The following CAB39 variants were observed in gnomAD, a reference collection of about 807,000 sequenced individuals.
The protein encoded by CAB39 is calcium-binding protein 39.
A neutral mutation model predicts 40.0 loss-of-function variants in CAB39; 8 were observed. The observed-to-expected ratio is 0.20, with a 90% confidence interval of 0.12 to 0.36. CAB39 has a LOEUF of 0.36. Ranked by LOEUF, CAB39 falls within the 10% of genes least tolerant of loss-of-function variation. The pLI is 1.00. For synonymous variants in CAB39, 156 were observed against 141.6 expected, an observed-to-expected ratio of 1.10 and a Z score of -0.72; for missense variants, 270 against 401.1, an observed-to-expected ratio of 0.67 and a Z score of 2.79.
intron 1 of CAB39, among the ~76,000 whole-genome samples, chr2:230,746,951 C>T (rs1694987467): frequency 6.6e-6 from 1 of 152,124 alleles, no homozygotes; most frequent in Non-Finnish European, 1.5e-5. Flanking sequence ...GGGAGTGATA[C>T]ATACATACAT....
At chr2:230,773,314 A>ATATATATATATGTG (rs371297550) in intron 2 of CAB39, among the ~76,000 whole-genome samples, 4 of 132,632 alleles carry the variant, frequency 3.0e-5, no homozygotes, top group African/African-American at 1.2e-4. Context: ...ATATATATAT[A>ATATATATATATGTG]TGTGTGTGTG....
intron 2 of CAB39, among the ~76,000 whole-genome samples, chr2:230,780,156 C>T (rs2124943072): frequency 6.6e-6 from 1 of 152,216 alleles, no homozygotes; most frequent in East Asian, 1.9e-4. Context: ...TTTGGGAGCC[C>T]TTTCTCCAGT....
chr2:230,728,055 A>G (rs1027469413), intron 1 of CAB39, among the ~76,000 whole-genome samples: 14 of 152,022 alleles, frequency 9.2e-5, no homozygotes, highest in African/African-American at 3.4e-4. Flanking sequence ...CCTGGTCAAC[A>G]TGGTGAAACC....
chr2:230,747,017 C>G (rs1163221663), intron 1 of CAB39, among the ~76,000 whole-genome samples: 1 of 152,140 alleles, frequency 6.6e-6, no homozygotes, highest in Non-Finnish European at 1.5e-5. Context: ...GAGGGTCTTA[C>G]ACTTTTACTG....
At chr2:230,739,332 T>C (rs1434780160) in intron 1 of CAB39, among the ~76,000 whole-genome samples, 4 of 152,264 alleles carry the variant, frequency 2.6e-5, no homozygotes, top group Non-Finnish European at 5.9e-5. Context: ...AAAGATATGA[T>C]AATTTAACTC....
rs899083825 is a variant in CAB39, at chr2:230,818,931, A to T, written c.*227A>T. The T allele has an allele frequency of 2.2e-6, 1 of 445,456 alleles. No homozygotes were observed. The highest frequency in any genetic ancestry group is 2.0e-5 in the African/African-American group (1 of 49,940). 27.6% of individuals were successfully genotyped at this position (445,456 alleles called of 1,614,324 possible). On this transcript the variant is annotated 3_prime_UTR_variant, in exon 9 of 9. Transcript: ENST00000258418. ...CTCTTGATCTTTGTGTCATTTCAGAATTCAAAGACTGTGCTACGGGAGTTC... is the reference window on the plus strand; with the variant it reads ...CTCTTGATCTTTGTGTCATTTCAGATTTCAAAGACTGTGCTACGGGAGTTC...
At chr2:230,785,992 G>C (rs534783092) in intron 2 of CAB39, among the ~76,000 whole-genome samples, 1 of 150,700 alleles carries the variant, frequency 6.6e-6, no homozygotes, top group Non-Finnish European at 1.5e-5. Flanking sequence ...GTGAAACCCC[G>C]TCTCTACTAA....
rs1696482876 is a variant in CAB39, at chr2:230,820,166, G to T, written c.*1462G>T. Reference sequence around the variant, plus strand: ...TATCTGTTCATTTTAGTGATATGAAGATCACAACTAACAACTGACAAATCA... The same window carrying T: ...TATCTGTTCATTTTAGTGATATGAATATCACAACTAACAACTGACAAATCA... On this transcript the variant is annotated 3_prime_UTR_variant, in exon 9 of 9. Transcript: ENST00000258418. 1 of 152,568 alleles carries T rather than the reference G, an allele frequency of 6.6e-6. No individual in the cohort carries two copies. Among genetic ancestry groups the T allele is most frequent in the African/African-American group, 2.4e-5 (1 of 41,430 alleles). The allele number at this position is 152,568 out of a possible 1,614,324, so 9.5% of individuals were successfully genotyped here.
rs1396401505 is a variant in CAB39 at position 230,820,603 on chromosome 2, C to G, written c.*1899C>G. On this transcript the variant is annotated 3_prime_UTR_variant, in exon 9 of 9. Coordinates refer to ENST00000258418, the MANE Select transcript of CAB39 (RefSeq NM_016289.4). The stretch of plus-strand genomic sequence containing the variant: ...CATGGATTACACCAAGTGGAAGAAA[C>G]GTCTTCTTGCCAAGCTCATTCTTAG... 1.3e-5 allele frequency: 2 copies of G among 152,502 alleles called. No individual in the cohort carries two copies. The allele number at this position is 152,502 out of a possible 1,614,324, so 9.4% of individuals were successfully genotyped here. A position where few individuals can be genotyped will look rare whatever the true frequency, so the allele number is the denominator to read the frequency against.
intron 1 of CAB39, among the ~76,000 whole-genome samples, chr2:230,757,014 A>G (rs77711729): frequency 0.033 from 5,086 of 152,214 alleles, 275 homozygotes; most frequent in African/African-American, 0.12. Context: ...TTAAAACTAA[A>G]TCATGAATAA....
At chr2:230,775,210 G>A (rs532337014) in intron 2 of CAB39, among the ~76,000 whole-genome samples, 49 of 151,166 alleles carry the variant, frequency 3.2e-4, no homozygotes, top group African/African-American at 1.1e-3. Context: ...CCAAATCTGA[G>A]CTCTTTAAGG....
intron 2 of CAB39, among the ~76,000 whole-genome samples, chr2:230,764,576 A>G (rs1017867979): frequency 2.0e-5 from 3 of 152,248 alleles, no homozygotes; most frequent in African/African-American, 7.2e-5. Flanking sequence ...TAACATTTTT[A>G]AATAACACCA....
intron 1 of CAB39, among the ~76,000 whole-genome samples, chr2:230,737,239 A>C (rs574959889): frequency 1.8e-4 from 28 of 152,196 alleles, no homozygotes; most frequent in African/African-American, 6.0e-4. Context: ...GAGAAGATAG[A>C]CCCTCACCTG....
intron 1 of CAB39, among the ~76,000 whole-genome samples, chr2:230,753,449 G>A (rs1242534078): frequency 6.6e-6 from 1 of 152,156 alleles, no homozygotes; most frequent in Non-Finnish European, 1.5e-5. Flanking sequence ...GAATCCTGCT[G>A]AGGTTTATTA....
At chr2:230,801,278 C>T (rs960457652) in intron 5 of CAB39, among the ~76,000 whole-genome samples, 1 of 152,172 alleles carries the variant, frequency 6.6e-6, no homozygotes, top group Non-Finnish European at 1.5e-5. Context: ...CTTCCTACTC[C>T]TCCCTGAAAG....
At chr2:230,794,290 A>G (rs530598318) in intron 4 of CAB39, among the ~76,000 whole-genome samples, 15 of 152,186 alleles carry the variant, frequency 9.9e-5, no homozygotes, top group Admixed American at 4.6e-4. Context: ...TTCTATTTCT[A>G]ACCATCTGTG....
At chr2:230,778,152 G>A (rs1695626485) in intron 2 of CAB39, among the ~76,000 whole-genome samples, 1 of 152,166 alleles carries the variant, frequency 6.6e-6, no homozygotes, top group South Asian at 2.1e-4. Context: ...CTTTAAGTGT[G>A]CTTTCTATAT....
At position 230,735,069 on chromosome 2, in the gene CAB39, A is replaced by G. The variant is rs192326518; in HGVS notation, c.-44+21839A>G. ...TGCTCTTTGCTGGTCGCCTGCCCTG[A>G]TACCCCTTGAATTCTTGTTGTTTTC... On this transcript the variant is annotated intron_variant, in intron 1 of 8. Coordinates refer to ENST00000258418, the MANE Select transcript of CAB39 (RefSeq NM_016289.4). Among the ~76,000 whole-genome samples the G allele has an allele frequency of 2.2e-4, 34 of 152,218 alleles. No homozygotes were observed. In the East Asian group the frequency reaches 6.2e-3, roughly 28 times the overall value.
Position 230,817,847 on chromosome 2 carries a change from C to G in CAB39, c.787C>G (p.Leu263Val), listed in dbSNP as rs765295253. 2 of 1,612,938 alleles carry G rather than the reference C, an allele frequency of 1.2e-6. No homozygotes were observed. Among genetic ancestry groups the G allele is most frequent in the Admixed American group, 1.7e-5 (1 of 59,722 alleles). Residue 263 changes from leucine to valine, a missense_variant, in exon 8 of 9, where the codon CTG becomes GTG. Leu to Val is a conservative substitution (Grantham distance 32). Coordinates refer to ENST00000258418, the MANE Select transcript of CAB39 (RefSeq NM_016289.4). ...PENLKLMMNL[L>V]RDKSRNIQFE... ...GAACCTCAAATTAATGATGAACCTG[C>G]TGCGAGACAAAAGTCGCAACATCCA...
Sources: gnomAD v4.1 joint callset for allele counts (sites outside exome capture counted in the v4.1 genomes callset) on GRCh38, gnomAD v4.1.1 for gene constraint, MANE v1.5 for transcripts, NCBI Gene and HGNC (gene_info 2026-07-23, HGNC 2026-07-21) for gene names.